The following CPNE1 variants were observed in gnomAD, a reference collection of about 807,000 sequenced individuals.
CPNE1 encodes copine-1.
Under a neutral mutation model 63.2 loss-of-function variants are expected in CPNE1, and 58 were observed. The observed-to-expected ratio is 0.92, with a 90% CI of 0.74 to 1.14. The LOEUF is 1.14. CPNE1 is among the 50% of genes most tolerant of loss of function. The pLI is 0.00. For synonymous variants in CPNE1, 237 were observed against 249.0 expected (o/e 0.95, Z 0.45); for missense variants, 672 against 661.7 (o/e 1.02, Z -0.17).
chr20:35,632,107 T>A (rs957701136), intron 5 of CPNE1, 56 bp downstream of exon 5: 2 of 1,602,488 alleles, frequency 1.2e-6, no homozygotes, highest in East Asian at 4.5e-5. Context: ...CCATCCCCCA[T>A]ACACCATCCT....
chr20:35,630,063 G>A (rs1206875842), intron 13 of CPNE1, among the ~76,000 whole-genome samples: 1 of 152,140 alleles, frequency 6.6e-6, no homozygotes, highest in Admixed American at 6.6e-5. Flanking sequence ...GGAGGCCAAG[G>A]CAGGTCAATC....
chr20:35,630,486 G>A lies in CPNE1; in HGVS notation c.1055C>T (p.Ser352Leu), dbSNP rs2032050893. The stretch of plus-strand genomic sequence containing the variant: ...GTTGAAATTCAAGGCAAATTCATGC[G>A]AGACCTGGAGACAAGAATGAAAATG... Reference protein sequence around the residue: ...GAQVPPDWQVSHEFALNFNPS... With the variant: ...GAQVPPDWQVLHEFALNFNPS... Residue 352 changes from serine to leucine, a missense_variant, in exon 13 of 16, where the codon TCG (serine) becomes TTG (leucine). Coordinates refer to ENST00000397443, the MANE Select transcript of CPNE1 (RefSeq NM_152925.3). 9 of 1,613,952 alleles carry A rather than the reference G, an allele frequency of 5.6e-6. No individual in the cohort carries two copies. The highest frequency in any genetic ancestry group is 4.5e-5 in the East Asian group (2 of 44,902).
intron 1 of CPNE1, among the ~76,000 whole-genome samples, chr20:35,659,411 AC>A (rs1255846864): frequency 1.3e-5 from 2 of 152,240 alleles, no homozygotes; most frequent in Non-Finnish European, 2.9e-5. Context: ...ATGAAAAGGC[AC>A]AAGTTCGCAC....
At chr20:35,660,972 T>A (rs910727265) in intron 1 of CPNE1, among the ~76,000 whole-genome samples, 6 of 152,206 alleles carry the variant, frequency 3.9e-5, no homozygotes, top group African/African-American at 1.4e-4. Context: ...AGGAAGATAT[T>A]TCTCATTCCA....
chr20:35,626,223 C>T lies in CPNE1; in HGVS notation c.*18G>A. On this transcript the variant is annotated 3_prime_UTR_variant, in exon 16 of 16. Transcript: ENST00000397443. ...CTGGGACACAGGATTGAGGACTTGC[C>T]ACAGCCTCCAAGGGAACCTAGGCCT... 1.2e-6 allele frequency: 2 copies of T among 1,614,022 alleles called. No homozygotes were observed. Among genetic ancestry groups the T allele is most frequent in the African/African-American group, 1.3e-5 (1 of 75,020 alleles).
At position 35,658,802 on chromosome 20, in the gene CPNE1, A is replaced by AACACACACACACAC. The variant is rs10542710; in HGVS notation, c.-1+5944_-1+5957dup. On this transcript the variant is annotated intron_variant, in intron 1 of 15. Transcript: ENST00000397443. ...TCAAAACAAAAAACAAGCAAACAAA[A>AACACACACACACAC]ACACACACACACACACACACACACA... 5 of 473,576 alleles carry AACACACACACACAC rather than the reference A, an allele frequency of 1.1e-5. No individual in the cohort carries two copies. In the African/African-American group the frequency reaches 1.1e-4, roughly 10 times the overall value. 29.3% of individuals were successfully genotyped at this position (473,576 alleles called of 1,614,324 possible).
intron 5 of CPNE1, 52 bp downstream of exon 5, chr20:35,632,111 C>A (rs1350494557): frequency 1.2e-6 from 2 of 1,604,462 alleles, no homozygotes; most frequent in Non-Finnish European, 1.7e-6. Flanking sequence ...CCCCCATACA[C>A]CATCCTTGGC....
chr20:35,648,444 A>G (rs562281704), intron 1 of CPNE1, among the ~76,000 whole-genome samples: 1 of 152,334 alleles, frequency 6.6e-6, no homozygotes, highest in East Asian at 1.9e-4. Flanking sequence ...ACATATTATC[A>G]CACAGTCCAC....
At chr20:35,632,482 G>C in intron 3 of CPNE1, 35 bp downstream of exon 3, 1 of 1,608,974 alleles carries the variant, frequency 6.2e-7, no homozygotes, top group Non-Finnish European at 8.5e-7. Flanking sequence ...TCACAGACCT[G>C]CATCTGAAGG....
chr20:35,626,857 A>G (rs886268714), intron 14 of CPNE1, 54 bp from the exon 15 acceptor site: 3 of 1,415,280 alleles, frequency 2.1e-6, no homozygotes, highest in Admixed American at 1.7e-5. Flanking sequence ...AAACCCCTGC[A>G]AACACCCCAG....
At position 35,626,580 on chromosome 20, in the gene CPNE1, C is replaced by T. The variant is rs144567952; in HGVS notation, c.1460G>A (p.Arg487His). 51 of 1,614,024 alleles carry T rather than the reference C, an allele frequency of 3.2e-5. No homozygotes were observed. The African/African-American group carries it at 5.1e-4, about 16-fold the overall frequency. Residue 487 changes from arginine (R) to histidine (H), a missense_variant, in exon 15 of 16, where the codon CGC (arginine) becomes CAC (histidine). By Grantham distance (29) the Arg-to-His change is conservative. Transcript: ENST00000397443. ...GCACCTACTCACATTCTGGAACCGG[C>T]GGTAGGGTACAAACTGCACAATGTC... ...ARDIVQFVPY[R>H]RFQNAPREAL...
At chr20:35,653,131 T>C (rs1475593621) in intron 1 of CPNE1, 5 of 1,613,730 alleles carry the variant, frequency 3.1e-6, no homozygotes, top group Non-Finnish European at 3.4e-6. Flanking sequence ...CCCAAAGGCA[T>C]TTGATCCACC....
intron 1 of CPNE1, among the ~76,000 whole-genome samples, chr20:35,636,445 G>C (rs144966663): frequency 6.6e-6 from 1 of 152,154 alleles, no homozygotes; most frequent in Non-Finnish European, 1.5e-5. Context: ...TCTGAACAAC[G>C]GAATGCTGAA....
intron 13 of CPNE1, among the ~76,000 whole-genome samples, chr20:35,629,050 A>ATGTGT (rs2146278701): frequency 6.6e-6 from 1 of 152,368 alleles, no homozygotes; most frequent in African/African-American, 2.4e-5. Context: ...AAATGTGTGA[A>ATGTGT]TGTGTGTGTA....
intron 1 of CPNE1, among the ~76,000 whole-genome samples, chr20:35,659,887 A>G (rs1601493815): frequency 6.6e-6 from 1 of 152,184 alleles, no homozygotes. Flanking sequence ...TAATTCGGAG[A>G]GAGAAGAAAT....
chr20:35,652,590 T>A (rs1177851466), intron 1 of CPNE1: 45 of 1,614,104 alleles, frequency 2.8e-5, no homozygotes, highest in Non-Finnish European at 3.6e-5. Context: ...TGACAGCAGC[T>A]GTGGCTTCAT....
In CPNE1 at chr20:35,631,533, C is replaced by T. The variant is rs75325519; in HGVS notation, c.673G>A (p.Gly225Ser). 1.7e-5 allele frequency: 27 copies of T among 1,614,028 alleles called. No homozygotes were observed. In the East Asian group the frequency reaches 3.3e-4, roughly 20 times the overall value. The change falls in exon 8 of 16, where the codon GGT (glycine) becomes AGT (serine). Residue 225 changes from glycine to serine, a missense_variant. Physicochemically the swap from Gly to Ser is moderately conservative, Grantham distance 56. Coordinates refer to ENST00000397443, the MANE Select transcript of CPNE1 (RefSeq NM_152925.3). The part of the protein sequence containing the change: ...YDSDGSHDLI[G>S]TFHTSLAQLQ... ...TGGGCCAAGCTGGTGTGGAAGGTAC[C>T]GATGAGATCATGTGACCCGTCACTG...
At chr20:35,627,910 T>C (rs1401501731) in intron 13 of CPNE1, among the ~76,000 whole-genome samples, 1 of 152,010 alleles carries the variant, frequency 6.6e-6, no homozygotes, top group Non-Finnish European at 1.5e-5. Flanking sequence ...CTCACGAGGC[T>C]GAGGTGGGAG....
chr20:35,633,425 C>T (rs2032292053), intron 1 of CPNE1, among the ~76,000 whole-genome samples: 1 of 152,212 alleles, frequency 6.6e-6, no homozygotes, highest in Non-Finnish European at 1.5e-5. Flanking sequence ...GGGGATCTAA[C>T]TCTTGTGGTG....
Sources: gnomAD v4.1 joint callset for allele counts (sites outside exome capture counted in the v4.1 genomes callset) on GRCh38, gnomAD v4.1.1 for gene constraint, MANE v1.5 for transcripts, NCBI Gene and HGNC (gene_info 2026-07-23, HGNC 2026-07-21) for gene names.